C4orf51: variants seen among roughly 807,000 people sequenced by gnomAD.
C4orf51 encodes the protein chromosome 4 open reading frame 51.
Under a neutral mutation model 25.2 loss-of-function variants are expected in C4orf51, and 25 were observed. The observed-to-expected ratio is 0.99, with a 90% CI of 0.72 to 1.39. The LOEUF is 1.39. C4orf51 is among the 40% of genes most tolerant of loss of function. C4orf51 has a pLI of 0.00. For synonymous variants in C4orf51, 100 were observed against 84.5 expected (o/e 1.18, Z -1.01); for missense variants, 252 against 239.6 (o/e 1.05, Z -0.34).
Position 145,761,688 on chromosome 4 carries a change from C to T in C4orf51, n.167-9300C>T. On this transcript the variant is annotated intron_variant and non_coding_transcript_variant, in intron 1 of 1. Coordinates refer to the C4orf51 transcript ENST00000510096. The surrounding 1 kb of genome is among the most constrained non-coding windows in gnomAD (Gnocchi z 6.8). ...CCGCCTCACCAGCCTTCCCTCACAC[C>T]ACCCCCCAGTGTCTGAGGCCTGGCC... The T allele has an allele frequency of 1.2e-6, 1 of 812,654 alleles. No homozygotes were observed. The highest frequency in any genetic ancestry group is 6.5e-5 in the East Asian group (1 of 15,374). The allele number at this position is 812,654 out of a possible 1,614,324, so 50.3% of individuals were successfully genotyped here.
At chr4:145,774,326 C>A (rs1284648448), downstream of C4orf51, among the ~76,000 whole-genome samples, 1 of 152,092 alleles carries the variant, frequency 6.6e-6, no homozygotes. Flanking sequence ...ACAAGGCATG[C>A]CAGGAAACAG....
At chr4:145,698,609 C>T (rs1051259394) in intron 2 of C4orf51, among the ~76,000 whole-genome samples, 1 of 152,140 alleles carries the variant, frequency 6.6e-6, no homozygotes, top group African/African-American at 2.4e-5. Flanking sequence ...TGTTTCTTAT[C>T]AGATTTAAAG....
chr4:145,727,054 AG>A, intron 3 of C4orf51, 85 bp downstream of exon 3: 1 of 1,108,556 alleles, frequency 9.0e-7, no homozygotes, highest in South Asian at 1.4e-5. Flanking sequence ...AAAAAACAAA[AG>A]GGGTTAAATT....
At chr4:145,710,255 G>A (rs4386620) in intron 2 of C4orf51, among the ~76,000 whole-genome samples, 62,469 of 152,064 alleles carry the variant, frequency 0.41, 13,024 homozygotes, top group Admixed American at 0.54. Flanking sequence ...AAGTTTTAGA[G>A]GAGTAGTGAA....
rs1423959048 is a variant in C4orf51, at chr4:145,761,412, C to T, written n.167-9576C>T. 1 of 1,289,846 alleles carries T rather than the reference C, an allele frequency of 7.8e-7. No individual in the cohort carries two copies. The allele number at this position is 1,289,846 out of a possible 1,614,324, so 79.9% of individuals were successfully genotyped here. ...CGATGAGCTTGTTGGCGGTCTTGGA[C>T]AGGTAGCCGCACTGGTCGCACTTGT... On this transcript the variant is annotated intron_variant and non_coding_transcript_variant, in intron 1 of 1. Transcript: ENST00000510096. This position sits in a 1 kb window ranked among gnomAD's most constrained non-coding sequence, Gnocchi z 6.8.
intron 2 of C4orf51, among the ~76,000 whole-genome samples, chr4:145,713,090 AT>A (rs1731221579): frequency 6.6e-6 from 1 of 152,210 alleles, no homozygotes; most frequent in Non-Finnish European, 1.5e-5. Context: ...CTTTCAAAAT[AT>A]TACTGCCGAC....
rs763368409 is a variant in C4orf51 at position 145,761,128 on chromosome 4, C to T, written n.167-9860C>T. 4 of 1,289,638 alleles carry T rather than the reference C, an allele frequency of 3.1e-6. No individual in the cohort carries two copies. Among genetic ancestry groups the T allele is most frequent in the African/African-American group, 3.0e-5 (2 of 65,986 alleles). The allele number at this position is 1,289,638 out of a possible 1,614,324, so 79.9% of individuals were successfully genotyped here. On this transcript the variant is annotated intron_variant and non_coding_transcript_variant, in intron 1 of 1. Coordinates refer to the C4orf51 transcript ENST00000510096. This position sits in a 1 kb window ranked among gnomAD's most constrained non-coding sequence, Gnocchi z 6.8. ...GCTCCCGACCACCAGGAGCGGGGCC[C>T]CCGGGCCGGCCGGTTCCTTGGGGGC... is the stretch of plus-strand genomic sequence containing the variant.
chr4:145,736,569 C>T (rs1027827100), downstream of C4orf51, among the ~76,000 whole-genome samples: 2 of 152,166 alleles, frequency 1.3e-5, no homozygotes, highest in Non-Finnish European at 2.9e-5. Context: ...TCCTGGCTTT[C>T]GAGTGCACAT....
Position 145,749,372 on chromosome 4 carries a change from T to C in C4orf51, n.168-4835T>C, listed in dbSNP as rs145276138. Among the ~76,000 whole-genome samples the C allele has an allele frequency of 3.3e-5, 5 of 152,234 alleles. No individual in the cohort carries two copies. The East Asian group carries it at 9.6e-4, about 29-fold the overall frequency. On this transcript the variant is annotated intron_variant and non_coding_transcript_variant, in intron 1 of 1. Transcript: ENST00000508981. Reference sequence around the variant, plus strand: ...TTAAAATCTATTCAGCTGCTCTATGTCTTTTAATCGGAAAGCTTAGTCCAT... The same window carrying C: ...TTAAAATCTATTCAGCTGCTCTATGCCTTTTAATCGGAAAGCTTAGTCCAT...
At chr4:145,746,690 A>G (rs1357841321) in intron 1 of C4orf51, among the ~76,000 whole-genome samples, 1 of 152,026 alleles carries the variant, frequency 6.6e-6, no homozygotes, top group Non-Finnish European at 1.5e-5. Context: ...AGCTTTGGCT[A>G]TTCTGGGTCT....
chr4:145,686,532 T>G (rs562389478), intron 1 of C4orf51, among the ~76,000 whole-genome samples: 1 of 152,160 alleles, frequency 6.6e-6, no homozygotes, highest in Non-Finnish European at 1.5e-5. Flanking sequence ...TACAGAGGGA[T>G]GTACATTCTG....
intron 2 of C4orf51, among the ~76,000 whole-genome samples, chr4:145,699,129 C>T (rs1313695222): frequency 6.6e-6 from 1 of 151,880 alleles, no homozygotes; most frequent in Non-Finnish European, 1.5e-5. Context: ...TTCCTTTACC[C>T]ACCCAAATCA....
Position 145,765,532 on chromosome 4 carries a change from C to G in C4orf51, n.167-5456C>G, listed in dbSNP as rs768721535. 1 of 1,602,662 alleles carries G rather than the reference C, an allele frequency of 6.2e-7. No homozygotes were observed. The highest frequency in any genetic ancestry group is 1.7e-5 in the Admixed American group (1 of 59,250). The stretch of plus-strand genomic sequence containing the variant: ...TGCGGAGGGTTGAGCAGGCTCACAC[C>G]CACCTCCTCCTTACCTTTCTCTGGC... On this transcript the variant is annotated intron_variant and non_coding_transcript_variant, in intron 1 of 1. Transcript: ENST00000510096. The surrounding 1 kb of genome is among the most constrained non-coding windows in gnomAD (Gnocchi z 4.7).
At chr4:145,750,044 T>G (rs1373346065) in intron 1 of C4orf51, among the ~76,000 whole-genome samples, 4 of 152,218 alleles carry the variant, frequency 2.6e-5, no homozygotes, top group African/African-American at 9.7e-5. Flanking sequence ...CTCCCACTTT[T>G]TAACTTTTTG....
intron 2 of C4orf51, among the ~76,000 whole-genome samples, chr4:145,710,794 G>A (rs775979812): frequency 7.4e-4 from 112 of 152,120 alleles, no homozygotes; most frequent in Non-Finnish European, 9.9e-4. Context: ...ATGTGTGGTG[G>A]GGGGTGTGGG....
At chr4:145,725,153 A>G (rs1035766058) in intron 2 of C4orf51, among the ~76,000 whole-genome samples, 9 of 151,938 alleles carry the variant, frequency 5.9e-5, no homozygotes, top group Non-Finnish European at 1.3e-4. Context: ...ATGTAACCAA[A>G]CACCGCCTGT....
chr4:145,766,791 C>A (rs1735370626), intron 1 of C4orf51, among the ~76,000 whole-genome samples: 1 of 152,120 alleles, frequency 6.6e-6, no homozygotes, highest in African/African-American at 2.4e-5. Flanking sequence ...CTGTTTCCAC[C>A]AGTCAGATTG....
At chr4:145,714,610 A>T (rs1731302428) in intron 2 of C4orf51, among the ~76,000 whole-genome samples, 1 of 152,102 alleles carries the variant, frequency 6.6e-6, no homozygotes, top group African/African-American at 2.4e-5. Flanking sequence ...GTGCTTTTTC[A>T]TAACAATTAT....
chr4:145,700,919 C>T (rs1227109952), intron 2 of C4orf51, among the ~76,000 whole-genome samples: 1 of 152,158 alleles, frequency 6.6e-6, no homozygotes, highest in Non-Finnish European at 1.5e-5. Flanking sequence ...CCTCCCCCAC[C>T]TGCCCAGCAA....
Sources: gnomAD v4.1 joint callset for allele counts (sites outside exome capture counted in the v4.1 genomes callset) on GRCh38, gnomAD v4.1.1 for gene constraint, Gnocchi (gnomAD v3.1) non-coding constraint, MANE v1.5 for transcripts, NCBI Gene and HGNC (gene_info 2026-07-23, HGNC 2026-07-21) for gene names.